NEK2: variants seen among roughly 807,000 people sequenced by gnomAD.
NEK2 encodes serine/threonine-protein kinase Nek2.
NEK2 carries 28 observed loss-of-function variants against 54.1 expected under a neutral mutation model. That is an observed-to-expected ratio of 0.52 (90% CI 0.38 to 0.71). The LOEUF is 0.71. Among genes scored for constraint, NEK2 ranks in the 30% least tolerant of loss-of-function variants. NEK2 has a pLI of 0.00. For synonymous variants in NEK2, 176 were observed against 193.1 expected, an observed-to-expected ratio of 0.91 and a Z score of 0.73; for missense variants, 407 against 531.5, an observed-to-expected ratio of 0.77 and a Z score of 2.30.
chr1:211,670,203 G>T, intron 5 of NEK2, 78 bp downstream of exon 5: 2 of 1,353,316 alleles, frequency 1.5e-6, no homozygotes, highest in Non-Finnish European at 2.0e-6. Context: ...AGTCTCCATT[G>T]ATCTACAAGA....
At position 211,663,485 on chromosome 1, in the gene NEK2, G is replaced by C. The variant is rs757488320; in HGVS notation, c.1279C>G (p.Leu427Val). The stretch of plus-strand genomic sequence containing the variant: ...TGGTAATTTTTCTCAATATCTGACA[G>C]GGCTTGAGCCCGCAGCTGGGCAGCG... ...LHAAQLRAQA[L>V]SDIEKNYQLK... Residue 427 changes from leucine to valine, a missense_variant, in exon 8 of 8, where the codon CTG becomes GTG. Coordinates refer to ENST00000366999, the MANE Select transcript of NEK2 (RefSeq NM_002497.4). 9 of 1,613,914 alleles carry C rather than the reference G, an allele frequency of 5.6e-6. No individual in the cohort carries two copies. The highest frequency in any genetic ancestry group is 6.8e-6 in the Non-Finnish European group (8 of 1,179,854).
rs537109124 is a variant in NEK2, at chr1:211,673,380, C to T, written c.555+103G>A. The T allele has an allele frequency of 2.8e-6, 4 of 1,451,488 alleles. No homozygotes were observed. The East Asian group carries it at 9.6e-5, about 35-fold the overall frequency. 89.9% of individuals were successfully genotyped at this position (1,451,488 alleles called of 1,614,324 possible). On this transcript the variant is annotated intron_variant, in intron 3 of 7. Coordinates refer to ENST00000366999, the MANE Select transcript of NEK2 (RefSeq NM_002497.4). ...AGTGAGCCCAGATCGCACCACTGCA[C>T]TCCAGCCTGGGCAACAGAGCGAGAC...
chr1:211,661,443 C>A (rs780117150), downstream of NEK2, among the ~76,000 whole-genome samples: 3 of 152,188 alleles, frequency 2.0e-5, no homozygotes, highest in Non-Finnish European at 2.9e-5. Context: ...TTGATCACAC[C>A]TAATTCCAAA....
intron 3 of NEK2, among the ~76,000 whole-genome samples, chr1:211,672,515 C>T (rs1282717469): frequency 6.6e-6 from 1 of 151,900 alleles, no homozygotes; most frequent in Non-Finnish European, 1.5e-5. Flanking sequence ...TAAAAACATG[C>T]TATCTGAAGT....
At position 211,667,296 on chromosome 1, in the gene NEK2, C is replaced by T. The variant is rs1655211923; in HGVS notation, c.986-65G>A. ...CTGACCTTGACTAAAAAACAATTTA[C>T]ATTTGGCAATCTTATCACTACTAGC... On this transcript the variant is annotated intron_variant, in intron 6 of 7. Coordinates refer to ENST00000366999, the MANE Select transcript of NEK2 (RefSeq NM_002497.4). 5 of 1,503,870 alleles carry T rather than the reference C, an allele frequency of 3.3e-6. No homozygotes were observed. In the African/African-American group the frequency reaches 5.6e-5, roughly 17 times the overall value. The allele number at this position is 1,503,870 out of a possible 1,614,324, so 93.2% of individuals were successfully genotyped here. A position where few individuals can be genotyped will look rare whatever the true frequency, so the allele number is the denominator to read the frequency against.
intron 3 of NEK2, 78 bp downstream of exon 3, chr1:211,673,405 C>T: frequency 2.5e-6 from 4 of 1,571,264 alleles, no homozygotes; most frequent in Non-Finnish European, 2.6e-6. Flanking sequence ...CAGAGCGAGA[C>T]TCTGTCTCAA....
At chr1:211,670,868 C>T (rs1370456784) in intron 4 of NEK2, among the ~76,000 whole-genome samples, 1 of 151,360 alleles carries the variant, frequency 6.6e-6, no homozygotes, top group African/African-American at 2.4e-5. Context: ...GACCTCTACC[C>T]GAGTCTTGTT....
At chr1:211,661,211 T>A, downstream of NEK2, 3 of 720,584 alleles carry the variant, frequency 4.2e-6, no homozygotes, top group South Asian at 4.1e-5. Context: ...TGAAATCCTG[T>A]TTTTCTTGGG....
At chr1:211,659,400 G>A (rs992189291), downstream of NEK2, among the ~76,000 whole-genome samples, 2 of 152,144 alleles carry the variant, frequency 1.3e-5, no homozygotes, top group African/African-American at 2.4e-5. Flanking sequence ...GCTCTACTTG[G>A]AGAATATGTT....
In NEK2 at chr1:211,670,356, T is replaced by G; in HGVS notation, c.690A>C (p.Glu230Asp). 6.2e-7 allele frequency: 1 copy of G among 1,613,832 alleles called. No homozygotes were observed. Among genetic ancestry groups the G allele is most frequent in the Non-Finnish European group, 8.5e-7 (1 of 1,179,728 alleles). ...GGTATGGAATTCGCCTGAATTTGCC[T>G]TCTCTGATTTTCCCAGCGAGTTCTT... The part of the protein sequence containing the change: ...SQKELAGKIR[E>D]GKFRRIPYRY... Residue 230 changes from glutamate to aspartate, a missense_variant, in exon 5 of 8, where the codon GAA becomes GAC. Glu to Asp is a conservative substitution (Grantham distance 45, BLOSUM62 2). Coordinates refer to ENST00000366999, the MANE Select transcript of NEK2 (RefSeq NM_002497.4).
chr1:211,674,359 A>G lies in NEK2; in HGVS notation c.251T>C (p.Ile84Thr). The change falls in exon 2 of 8, where the codon ATT (isoleucine) becomes ACT (threonine). Residue 84 changes from isoleucine to threonine, a missense_variant. By Grantham distance (89) the Ile-to-Thr change is moderately conservative. Coordinates refer to ENST00000366999, the MANE Select transcript of NEK2 (RefSeq NM_002497.4). ...IIDRTNTTLY[I>T]VMEYCEGGDL... ...CCCTCCTTCACAATATTCCATTACA[A>G]TGTACAGTGTTGTATTGGTCCGGTC... is the stretch of plus-strand genomic sequence containing the variant. The G allele has an allele frequency of 6.2e-7, 1 of 1,614,130 alleles. No individual in the cohort carries two copies. The highest frequency in any genetic ancestry group is 8.5e-7 in the Non-Finnish European group (1 of 1,179,996).
downstream of NEK2, chr1:211,662,736 A>G (rs1655050851): frequency 1.0e-6 from 1 of 959,692 alleles, no homozygotes; most frequent in African/African-American, 1.8e-5. This position sits in a 1 kb window ranked among gnomAD's most constrained non-coding sequence, Gnocchi z 4.2. Flanking sequence ...CACAACTCCC[A>G]TCAACTAAGA....
intron 5 of NEK2, 99 bp from the exon 6 acceptor site, chr1:211,669,431 C>A: frequency 1.8e-6 from 2 of 1,114,668 alleles, no homozygotes; most frequent in South Asian, 2.9e-5. Flanking sequence ...GTTTCCAAGA[C>A]AAAAGAAAGG....
chr1:211,658,392 C>T (rs150672631), downstream of NEK2, among the ~76,000 whole-genome samples: 276 of 151,308 alleles, frequency 1.8e-3, 2 homozygotes, highest in African/African-American at 6.3e-3. Context: ...ATAAAATAGG[C>T]AATAATAACA....
intron 7 of NEK2, 38 bp from the exon 8 acceptor site, chr1:211,663,690 G>A (rs1337290381): frequency 6.3e-7 from 1 of 1,587,132 alleles, no homozygotes; most frequent in African/African-American, 1.3e-5. Context: ...TGAGTTACTT[G>A]AACAGAGTTC....
At position 211,669,107 on chromosome 1, in the gene NEK2, A is replaced by G. The variant is rs1442125918; in HGVS notation, c.985+6T>C. ...CTCCTTTGCTTTGACCCCCATTCAG[A>G]CTTACGCTCCAATCTTTCTTCTCTT... is the stretch of plus-strand genomic sequence containing the variant. On this transcript the variant is annotated splice_donor_region_variant and intron_variant, in intron 6 of 7. Coordinates refer to ENST00000366999, the MANE Select transcript of NEK2 (RefSeq NM_002497.4). 3 of 1,613,306 alleles carry G rather than the reference A, an allele frequency of 1.9e-6. No homozygotes were observed. Among genetic ancestry groups the G allele is most frequent in the Non-Finnish European group, 1.7e-6 (2 of 1,179,510 alleles).
At chr1:211,664,607 A>T (rs79919910) in intron 7 of NEK2, among the ~76,000 whole-genome samples, 1 of 152,166 alleles carries the variant, frequency 6.6e-6, no homozygotes, top group East Asian at 1.9e-4. Context: ...GTCTGGATGA[A>T]GAGTGCTCCA....
rs1655287971 is a variant in NEK2 at position 211,669,330 on chromosome 1, A to G, written c.768T>C (p.Asp256=). The G allele has an allele frequency of 6.2e-7, 1 of 1,613,662 alleles. No individual in the cohort carries two copies. Among genetic ancestry groups the G allele is most frequent in the Non-Finnish European group, 8.5e-7 (1 of 1,179,662 alleles). The change falls in exon 6 of 8, where the codon GAT becomes GAC. Residue 256 remains aspartate (D), a splice_region_variant and synonymous_variant. Transcript: ENST00000366999. ...TTTCTTCAACAGAAGGTCGATGGTA[A>G]TCCTGGGGAAAAAATACTCAGTATT... ...EIITRMLNLK[D]YHRPSVEEIL... is the part of the protein sequence containing the mutation.
intron 6 of NEK2, among the ~76,000 whole-genome samples, chr1:211,667,976 G>T (rs1490085525): frequency 1.3e-5 from 2 of 151,940 alleles, no homozygotes; most frequent in African/African-American, 4.8e-5. Flanking sequence ...AACCCGGGAG[G>T]TAGAGGTTGC....
Sources: allele counts gnomAD v4.1 joint callset (sites outside exome capture counted in the v4.1 genomes callset), GRCh38; gene constraint gnomAD v4.1.1; non-coding constraint Gnocchi (gnomAD v3.1); transcripts MANE v1.5; gene names NCBI Gene and HGNC (gene_info 2026-07-23, HGNC 2026-07-21).